ZMYM2: variants seen among roughly 807,000 people sequenced by gnomAD.
The protein encoded by ZMYM2 is zinc finger MYM-type protein 2.
A neutral mutation model predicts 162.8 loss-of-function variants in ZMYM2; 56 were observed. The ratio of observed to expected loss-of-function variants is 0.34; its 90% CI spans 0.28 to 0.43. The LOEUF (loss-of-function observed/expected upper bound fraction) is 0.43. Ranked by LOEUF, ZMYM2 falls within the 20% of genes least tolerant of loss-of-function variation. The pLI is 1.00. For missense variants in ZMYM2, 1,275 were observed against 1,621.8 expected, an observed-to-expected ratio of 0.79 and a Z score of 3.67; for synonymous variants, 510 against 541.6, an observed-to-expected ratio of 0.94 and a Z score of 0.81.
chr13:20,033,478 A>C (rs1007327345), intron 10 of ZMYM2, among the ~76,000 whole-genome samples: 1 of 152,092 alleles, frequency 6.6e-6, no homozygotes, highest in African/African-American at 2.4e-5. Flanking sequence ...TAATGGGGCA[A>C]CTTTCCACTA....
At position 20,059,487 on chromosome 13, in the gene ZMYM2, T is replaced by C. The variant is rs1386097467; in HGVS notation, c.2664T>C (p.Pro888=). 2.5e-6 allele frequency: 4 copies of C among 1,597,114 alleles called. No homozygotes were observed. The highest frequency in any genetic ancestry group is 1.7e-5 in the Admixed American group (1 of 59,946). Residue 888 remains proline (P), a synonymous_variant, in exon 16 of 25, where the codon CCT becomes CCC. Coordinates refer to ENST00000610343, the MANE Select transcript of ZMYM2 (RefSeq NM_197968.4). ...WRTEYVPVPI[P]VPVYIPVPMH... ...CAGAATATGTTCCAGTGCCTATCCC[T>C]GTGCCTGTGTATATCCCAGTTCCTA...
At chr13:19,985,674 C>T (rs1949074000) in intron 2 of ZMYM2, among the ~76,000 whole-genome samples, 1 of 150,882 alleles carries the variant, frequency 6.6e-6, no homozygotes, top group Non-Finnish European at 1.5e-5. Context: ...GGCACTCCAG[C>T]CTGGGCAACA....
At chr13:20,071,541 A>G (rs897326757) in intron 21 of ZMYM2, among the ~76,000 whole-genome samples, 3 of 152,180 alleles carry the variant, frequency 2.0e-5, no homozygotes, top group African/African-American at 7.2e-5. Flanking sequence ...AATACTAATA[A>G]AAGGCTGAGG....
chr13:20,030,433 CTG>C (rs1388181680), intron 9 of ZMYM2, among the ~76,000 whole-genome samples: 1 of 143,522 alleles, frequency 7.0e-6, no homozygotes, highest in African/African-American at 2.6e-5. Flanking sequence ...GAGTCTCGCT[CTG>C]TCGCCCAGGC....
At chr13:19,961,253 G>A (rs1206141768) in intron 2 of ZMYM2, among the ~76,000 whole-genome samples, 2 of 151,792 alleles carry the variant, frequency 1.3e-5, no homozygotes, top group Non-Finnish European at 2.9e-5. Flanking sequence ...CATGTGTTAA[G>A]TAATTTAATT....
the ZMYM2 span, among the ~76,000 whole-genome samples, chr13:19,896,884 C>T: frequency 6.1e-4 from 91 of 149,670 alleles, no homozygotes; most frequent in Middle Eastern, 3.6e-3. Context: ...ACCAGCCTGA[C>T]CAACATGGTG....
the ZMYM2 span, among the ~76,000 whole-genome samples, chr13:19,886,165 T>TC: frequency 1.1e-3 from 141 of 132,624 alleles, no homozygotes; most frequent in African/African-American, 3.0e-3. Flanking sequence ...TTTCTTTCTT[T>TC]TTTTTTTTTT....
chr13:20,065,129 T>C (rs1285079769), intron 19 of ZMYM2, among the ~76,000 whole-genome samples: 1 of 152,206 alleles, frequency 6.6e-6, no homozygotes, highest in Non-Finnish European at 1.5e-5. Flanking sequence ...TATAATATTC[T>C]GTCAACTTTC....
the ZMYM2 span, among the ~76,000 whole-genome samples, chr13:19,899,172 G>A: frequency 2.0e-5 from 3 of 151,462 alleles, no homozygotes; most frequent in Admixed American, 1.3e-4. Context: ...GGCTGGTCTC[G>A]AACTTCTGAC....
At chr13:19,933,494 G>A in the ZMYM2 span, among the ~76,000 whole-genome samples, 3 of 152,066 alleles carry the variant, frequency 2.0e-5, no homozygotes, top group East Asian at 5.8e-4. Context: ...AATCAGATAA[G>A]ATATCTAGCC....
intron 6 of ZMYM2, among the ~76,000 whole-genome samples, chr13:20,010,270 A>C (rs1951066597): frequency 6.6e-6 from 1 of 152,126 alleles, no homozygotes; most frequent in African/African-American, 2.4e-5. Flanking sequence ...ATCTTGGCTC[A>C]CTGCAACCTC....
At chr13:20,071,886 C>T (rs1957113754) in intron 21 of ZMYM2, 2 of 188,388 alleles carry the variant, frequency 1.1e-5, no homozygotes, top group South Asian at 1.7e-4. Flanking sequence ...CATTGATGTT[C>T]GTTCAAGGCT....
chr13:20,034,877 T>C (rs1953533709), intron 11 of ZMYM2, among the ~76,000 whole-genome samples: 1 of 152,232 alleles, frequency 6.6e-6, no homozygotes, highest in Admixed American at 6.5e-5. Context: ...GGTTCTGTTT[T>C]AGTATGTTCA....
At chr13:19,959,691 T>A (rs1361022941) in intron 1 of ZMYM2, among the ~76,000 whole-genome samples, 2 of 152,114 alleles carry the variant, frequency 1.3e-5, no homozygotes, top group Non-Finnish European at 2.9e-5. Context: ...CCCCCCTCCC[T>A]TCCCGGGAGC....
the ZMYM2 span, among the ~76,000 whole-genome samples, chr13:19,926,955 A>T: frequency 6.6e-6 from 1 of 152,236 alleles, no homozygotes; most frequent in South Asian, 2.1e-4. Context: ...GGCGTGAGCC[A>T]CCACTCCCAG....
chr13:19,985,176 T>TC (rs1239357353), intron 2 of ZMYM2, among the ~76,000 whole-genome samples: 1 of 152,118 alleles, frequency 6.6e-6, no homozygotes, highest in Non-Finnish European at 1.5e-5. Context: ...CAGGCTGGAG[T>TC]GTAGTGGCAT....
the ZMYM2 span, among the ~76,000 whole-genome samples, chr13:19,946,159 G>A: frequency 1.3e-5 from 2 of 151,988 alleles, no homozygotes; most frequent in African/African-American, 2.4e-5. Flanking sequence ...AAAATTCTAC[G>A]CTTGCTACCC....
chr13:20,049,622 C>T (rs1209822890), intron 12 of ZMYM2, among the ~76,000 whole-genome samples: 2 of 152,020 alleles, frequency 1.3e-5, no homozygotes, highest in Admixed American at 6.6e-5. Context: ...CAGGCTAAAG[C>T]CTAGGTTTTG....
the ZMYM2 span, among the ~76,000 whole-genome samples, chr13:19,922,267 G>A: frequency 2.8e-4 from 42 of 152,124 alleles, no homozygotes; most frequent in Non-Finnish European, 4.7e-4. Context: ...CGGATACAAA[G>A]TTGCTTGTCA....
Sources: gnomAD v4.1 joint callset for allele counts (sites outside exome capture counted in the v4.1 genomes callset) on GRCh38, gnomAD v4.1.1 for gene constraint, MANE v1.5 for transcripts, NCBI Gene and HGNC (gene_info 2026-07-23, HGNC 2026-07-21) for gene names.